Variants in DGCR2 observed in about 807,000 individuals in gnomAD.
DGCR2 encodes DiGeorge syndrome critical region gene 2, also known as integral membrane protein DGCR2/IDD.
Under a neutral mutation model 51.6 loss-of-function variants are expected in DGCR2, and 24 were observed. The ratio of observed to expected loss-of-function variants is 0.47; its 90% CI spans 0.34 to 0.65. The LOEUF is 0.65. Among genes scored for constraint, DGCR2 ranks in the 30% least tolerant of loss-of-function variants. The pLI, the probability that DGCR2 is intolerant of heterozygous loss-of-function variation, is 0.01. For missense variants in DGCR2, 765 were observed against 772.1 expected, an observed-to-expected ratio of 0.99 and a Z score of 0.11; for synonymous variants, 340 against 315.4, an observed-to-expected ratio of 1.08 and a Z score of -0.82.
chr22:19,100,660 C>T (rs185901142), intron 1 of DGCR2, among the ~76,000 whole-genome samples: 145 of 88,424 alleles, frequency 1.6e-3, no homozygotes, highest in African/African-American at 5.3e-3. Flanking sequence ...AGCGAGACTC[C>T]GTTTAAAAAA....
At chr22:19,077,152 CTGT>C (rs948340885) in intron 2 of DGCR2, among the ~76,000 whole-genome samples, 1 of 152,146 alleles carries the variant, frequency 6.6e-6, no homozygotes, top group East Asian at 1.9e-4. Flanking sequence ...CCTTTTCACT[CTGT>C]TGAGTGCTTC....
At chr22:19,100,967 G>A (rs1035868305) in intron 1 of DGCR2, among the ~76,000 whole-genome samples, 6 of 152,000 alleles carry the variant, frequency 3.9e-5, no homozygotes, top group Admixed American at 2.6e-4. Context: ...TCAGCCGGGC[G>A]TGGTGGCACG....
chr22:19,056,890 A>G, intron 6 of DGCR2, 96 bp downstream of exon 6: 4 of 1,374,372 alleles, frequency 2.9e-6, no homozygotes, highest in East Asian at 2.5e-5. Context: ...CAACACTGCA[A>G]ATCAGGTTCT....
Position 19,091,561 on chromosome 22 carries a change from G to T in DGCR2, c.80-2071C>A, listed in dbSNP as rs748727043. Among the ~76,000 whole-genome samples, 6 of 152,252 alleles carry T rather than the reference G, an allele frequency of 3.9e-5. No individual in the cohort carries two copies. The East Asian group carries it at 7.7e-4, about 20-fold the overall frequency. On this transcript the variant is annotated intron_variant, in intron 1 of 9. Transcript: ENST00000263196. Reference sequence around the variant, plus strand: ...GAAACTACTGTAACTGCTAATAGACGAATCCACAATTAAAGTCAGAGCTTT... The same window carrying T: ...GAAACTACTGTAACTGCTAATAGACTAATCCACAATTAAAGTCAGAGCTTT...
intron 1 of DGCR2, among the ~76,000 whole-genome samples, chr22:19,112,650 G>A (rs2083329300): frequency 7.0e-6 from 1 of 143,524 alleles, no homozygotes; most frequent in African/African-American, 2.6e-5. Context: ...TGCCCAGGCT[G>A]GTTTAGAACT....
chr22:19,051,979 T>G (rs1007415760), intron 6 of DGCR2, among the ~76,000 whole-genome samples: 1 of 152,116 alleles, frequency 6.6e-6, no homozygotes, highest in South Asian at 2.1e-4. Context: ...CACTCCTACG[T>G]TGAATCACTC....
chr22:19,072,421 A>C (rs2082825271), intron 2 of DGCR2, among the ~76,000 whole-genome samples: 1 of 152,228 alleles, frequency 6.6e-6, no homozygotes, highest in Non-Finnish European at 1.5e-5. Context: ...CAGATAGGGA[A>C]GGACCACCAA....
chr22:19,075,690 T>C (rs1263352480), intron 2 of DGCR2, among the ~76,000 whole-genome samples: 1 of 152,238 alleles, frequency 6.6e-6, no homozygotes, highest in Admixed American at 6.5e-5. Flanking sequence ...CAGTATTTGT[T>C]ATTTTGTGAC....
intron 7 of DGCR2, 55 bp from the exon 8 acceptor site, chr22:19,042,014 C>T (rs1295885691): frequency 1.6e-5 from 25 of 1,567,658 alleles, no homozygotes; most frequent in Admixed American, 5.5e-5. Context: ...CCTCGTGCTA[C>T]GCTGGGGATG....
chr22:19,116,634 T>C (rs1345910997), intron 1 of DGCR2, among the ~76,000 whole-genome samples: 2 of 152,142 alleles, frequency 1.3e-5, no homozygotes, highest in Admixed American at 6.5e-5. Flanking sequence ...GAAAATCTAA[T>C]AGCATACCAA....
chr22:19,040,914 G>A (rs2082423265), intron 9 of DGCR2, 144 bp downstream of exon 9: 8 of 750,406 alleles, frequency 1.1e-5, no homozygotes, highest in Non-Finnish European at 1.7e-5. Flanking sequence ...GGCAGCCCCA[G>A]GAGAAGCCTT....
chr22:19,053,640 C>G (rs1397484524), intron 6 of DGCR2, among the ~76,000 whole-genome samples: 8 of 152,204 alleles, frequency 5.3e-5, no homozygotes, highest in African/African-American at 1.9e-4. Flanking sequence ...TCTATTGTCC[C>G]ACACAAGATG....
At chr22:19,073,169 CAA>C (rs2082835579) in intron 2 of DGCR2, among the ~76,000 whole-genome samples, 1 of 152,122 alleles carries the variant, frequency 6.6e-6, no homozygotes, top group South Asian at 2.1e-4. Context: ...GAGGATGACA[CAA>C]GAGGACTGTT....
chr22:19,038,761 C>G lies in DGCR2; in HGVS notation c.*104G>C. On this transcript the variant is annotated 3_prime_UTR_variant, in exon 10 of 10. Coordinates refer to ENST00000263196, the MANE Select transcript of DGCR2 (RefSeq NM_005137.3). ...AGCCCGCCAGTGACGTGCGGCAGTG[C>G]GTGGCGTCCAGGCTGGGACAGGGGC... 2.7e-6 allele frequency: 4 copies of G among 1,460,346 alleles called. No homozygotes were observed. The highest frequency in any genetic ancestry group is 3.7e-6 in the Non-Finnish European group (4 of 1,075,142). 90.5% of individuals were successfully genotyped at this position (1,460,346 alleles called of 1,614,324 possible).
chr22:19,118,710 C>T (rs116758411), intron 1 of DGCR2, among the ~76,000 whole-genome samples: 334 of 152,324 alleles, frequency 2.2e-3, no homozygotes, highest in Middle Eastern at 0.01. Context: ...CAGGGTGCAC[C>T]AGCATTCAGA....
chr22:19,077,882 G>A (rs959916178), intron 2 of DGCR2, among the ~76,000 whole-genome samples: 9 of 150,964 alleles, frequency 6.0e-5, no homozygotes, highest in Non-Finnish European at 1.2e-4. Flanking sequence ...AGGCTGGAGT[G>A]CAGTGGTGCG....
intron 2 of DGCR2, among the ~76,000 whole-genome samples, chr22:19,086,349 G>A (rs569021131): frequency 5.3e-4 from 80 of 152,048 alleles, no homozygotes; most frequent in African/African-American, 1.9e-3. Context: ...TGTGGTAGCA[G>A]GCGCCTGTAA....
rs1396420836 is a variant in DGCR2, at chr22:19,057,105, T to C, written c.683A>G (p.Asn228Ser). Reference protein sequence around the residue: ...DPIFASAMSENDNVFCAQLQC... With the variant: ...DPIFASAMSESDNVFCAQLQC... The stretch of plus-strand genomic sequence containing the variant: ...AAGCTGGGCACAGAACACGTTGTCG[T>C]TCTCAGACATGGCCGAGGCAAAGAT... The change falls in exon 6 of 10, where the codon AAC becomes AGC. Residue 228 changes from asparagine (N) to serine (S), a missense_variant. Coordinates refer to ENST00000263196, the MANE Select transcript of DGCR2 (RefSeq NM_005137.3). This position sits in a 1 kb window ranked among gnomAD's most constrained non-coding sequence, Gnocchi z 5.1. 1 of 1,607,876 alleles carries C rather than the reference T, an allele frequency of 6.2e-7. No individual in the cohort carries two copies. The highest frequency in any genetic ancestry group is 2.2e-5 in the East Asian group (1 of 44,730).
chr22:19,080,106 C>A (rs971857383), intron 2 of DGCR2, among the ~76,000 whole-genome samples: 3 of 152,198 alleles, frequency 2.0e-5, no homozygotes, highest in African/African-American at 7.2e-5. Flanking sequence ...AATCTCCTGT[C>A]TGGGAAAACA....
Sources: gnomAD v4.1 joint callset for allele counts (sites outside exome capture counted in the v4.1 genomes callset) on GRCh38, gnomAD v4.1.1 for gene constraint, Gnocchi (gnomAD v3.1) non-coding constraint, MANE v1.5 for transcripts, NCBI Gene and HGNC (gene_info 2026-07-23, HGNC 2026-07-21) for gene names.